Variants in WDR72 observed in about 807,000 individuals in gnomAD.
WDR72 encodes WD repeat domain 72.
WDR72 carries 120 observed loss-of-function variants against 124.2 expected under a neutral mutation model. The observed-to-expected ratio is 0.97, with a 90% confidence interval of 0.83 to 1.12. The LOEUF (loss-of-function observed/expected upper bound fraction) is 1.12, where lower values mean the gene tolerates loss of function less well. Among genes scored for constraint, WDR72 ranks in the 50% most tolerant of loss-of-function variants. The probability of loss-of-function intolerance (pLI) is 0.00; values close to 1 mark genes in which losing one functional copy is unlikely to be tolerated. For missense variants in WDR72, 1,387 were observed against 1,278.8 expected, an observed-to-expected ratio of 1.08 and a Z score of -1.29; for synonymous variants, 452 against 441.7, an observed-to-expected ratio of 1.02 and a Z score of -0.29.
At chr15:53,710,389 A>AAT (rs1555426672) in intron 9 of WDR72, among the ~76,000 whole-genome samples, 13 of 73,348 alleles carry the variant, frequency 1.8e-4, no homozygotes, top group Admixed American at 1.7e-3. Flanking sequence ...AGAGAGAGAC[A>AAT]GAGAATGAGA....
intron 13 of WDR72, among the ~76,000 whole-genome samples, chr15:53,699,518 G>A (rs542085061): frequency 3.3e-5 from 5 of 152,160 alleles, no homozygotes; most frequent in South Asian, 2.1e-4. Context: ...AGAAATATCC[G>A]GCTCATTCCT....
intron 2 of WDR72, among the ~76,000 whole-genome samples, chr15:53,731,214 G>A (rs961222361): frequency 5.3e-5 from 8 of 151,796 alleles, no homozygotes; most frequent in East Asian, 3.9e-4. Context: ...ACTTCTCCAC[G>A]CCTAGGCCCG....
intron 14 of WDR72, among the ~76,000 whole-genome samples, chr15:53,663,971 T>C (rs1158582915): frequency 1.3e-5 from 2 of 148,444 alleles, no homozygotes; most frequent in African/African-American, 5.3e-5. Flanking sequence ...ATGGATTAAA[T>C]GAGAAAAGAA....
chr15:53,737,012 C>CACAT (rs1211568406), intron 1 of WDR72, among the ~76,000 whole-genome samples: 3 of 100,934 alleles, frequency 3.0e-5, no homozygotes, highest in Non-Finnish European at 7.6e-5. Flanking sequence ...CACACACACA[C>CACAT]ACACACACAC....
At chr15:53,530,191 A>T (rs183780678) in intron 18 of WDR72, among the ~76,000 whole-genome samples, 21 of 151,458 alleles carry the variant, frequency 1.4e-4, no homozygotes, top group African/African-American at 5.1e-4. Context: ...TATACAAAAT[A>T]AGAAACATTA....
chr15:53,636,333 A>G (rs1480792311), intron 14 of WDR72, among the ~76,000 whole-genome samples: 1 of 152,178 alleles, frequency 6.6e-6, no homozygotes, highest in East Asian at 1.9e-4. Flanking sequence ...GCTAAAACAC[A>G]ATTAATTACA....
intron 17 of WDR72, among the ~76,000 whole-genome samples, chr15:53,598,325 G>C (rs2012879103): frequency 6.6e-6 from 1 of 152,002 alleles, no homozygotes; most frequent in Non-Finnish European, 1.5e-5. Context: ...TCTGTCCTCT[G>C]TCAAGCTGAC....
intron 15 of WDR72, among the ~76,000 whole-genome samples, chr15:53,614,883 T>C (rs2013690991): frequency 6.6e-6 from 1 of 152,084 alleles, no homozygotes; most frequent in Non-Finnish European, 1.5e-5. Context: ...AACTGTACTA[T>C]GTATAAATGA....
intron 14 of WDR72, among the ~76,000 whole-genome samples, chr15:53,620,590 G>A (rs1290051989): frequency 1.3e-5 from 2 of 152,020 alleles, no homozygotes; most frequent in African/African-American, 4.8e-5. Context: ...TAATTGGCAA[G>A]CCACATGAAG....
intron 16 of WDR72, 87 bp from the exon 17 acceptor site, chr15:53,609,679 G>A (rs1263942897): frequency 1.8e-6 from 2 of 1,136,954 alleles, no homozygotes; most frequent in African/African-American, 3.3e-5. Flanking sequence ...AGAATCACCT[G>A]GGAAGCTTTG....
In WDR72 at chr15:53,516,248, A is replaced by C. The variant is rs890270722; in HGVS notation, c.*1451T>G. 2.6e-5 allele frequency: 4 copies of C among 152,144 alleles called. No homozygotes were observed. Among genetic ancestry groups the C allele is most frequent in the African/African-American group, 9.6e-5 (4 of 41,456 alleles). The allele number at this position is 152,144 out of a possible 1,614,324, so 9.4% of individuals were successfully genotyped here. A position where few individuals can be genotyped will look rare whatever the true frequency, so the allele number is the denominator to read the frequency against. On this transcript the variant is annotated 3_prime_UTR_variant, in exon 20 of 20. Coordinates refer to ENST00000360509, the MANE Select transcript of WDR72 (RefSeq NM_182758.4). The stretch of plus-strand genomic sequence containing the variant: ...TTAGGAAACAAAGAATGCACACTTT[A>C]ATCTACTTTAAGGGAGTCACACTCA...
intron 18 of WDR72, among the ~76,000 whole-genome samples, chr15:53,550,274 G>A (rs976408696): frequency 3.9e-5 from 6 of 152,274 alleles, no homozygotes; most frequent in Non-Finnish European, 8.8e-5. Context: ...CTCTGCAGCT[G>A]AAGCATGAAA....
chr15:53,661,352 A>T lies in WDR72; in HGVS notation c.1962+4220T>A, dbSNP rs774401515. On this transcript the variant is annotated intron_variant, in intron 14 of 19. Coordinates refer to ENST00000360509, the MANE Select transcript of WDR72 (RefSeq NM_182758.4). ...GTGAACCAGAGCCATGTGTGCAGAG[A>T]TCACATGGTGAAAAGGGAAACAAGA... is the stretch of plus-strand genomic sequence containing the variant. 1.0e-3 allele frequency among the ~76,000 whole-genome samples: 157 copies of T among 152,154 alleles called. 2 individuals are homozygous for T. Among genetic ancestry groups the T allele is most frequent in the Non-Finnish European group, 3.5e-4 (24 of 68,018 alleles).
intron 14 of WDR72, among the ~76,000 whole-genome samples, chr15:53,622,750 C>T (rs140899821): frequency 1.6e-3 from 248 of 151,982 alleles, no homozygotes; most frequent in African/African-American, 5.8e-3. Flanking sequence ...ATGTAACAAA[C>T]CTGTACATCC....
chr15:53,558,595 C>T (rs143833092), intron 18 of WDR72, among the ~76,000 whole-genome samples: 113 of 152,056 alleles, frequency 7.4e-4, no homozygotes, highest in Middle Eastern at 3.4e-3. Context: ...AGCAATTCAA[C>T]ATCCCATTAA....
intron 19 of WDR72, among the ~76,000 whole-genome samples, chr15:53,522,120 C>A (rs1350589002): frequency 6.6e-6 from 1 of 152,016 alleles, no homozygotes; most frequent in Non-Finnish European, 1.5e-5. Flanking sequence ...TATACAATGC[C>A]ATCGCCACTG....
intron 13 of WDR72, among the ~76,000 whole-genome samples, chr15:53,670,394 A>G (rs959690345): frequency 6.6e-6 from 1 of 152,210 alleles, no homozygotes; most frequent in Non-Finnish European, 1.5e-5. Context: ...CCATATTGAC[A>G]GGATTTTCAC....
At chr15:53,618,060 T>C (rs572766543) in intron 14 of WDR72, among the ~76,000 whole-genome samples, 7 of 152,106 alleles carry the variant, frequency 4.6e-5, no homozygotes, top group Middle Eastern at 3.4e-3. Context: ...ATACATTTCA[T>C]GGTAAATAAA....
At chr15:53,559,250 G>GC (rs1409712382) in intron 18 of WDR72, among the ~76,000 whole-genome samples, 11 of 151,974 alleles carry the variant, frequency 7.2e-5, no homozygotes, top group Non-Finnish European at 1.5e-5. Flanking sequence ...CTAGAAAGAA[G>GC]AAAGAGTCCT....
Sources: gnomAD v4.1 joint callset for allele counts (sites outside exome capture counted in the v4.1 genomes callset) on GRCh38, gnomAD v4.1.1 for gene constraint, MANE v1.5 for transcripts, NCBI Gene and HGNC (gene_info 2026-07-23, HGNC 2026-07-21) for gene names.